The following ADAMTS17 variants were observed in gnomAD, a reference collection of about 807,000 sequenced individuals.
ADAMTS17 encodes the protein A disintegrin and metalloproteinase with thrombospondin motifs 17.
A neutral mutation model predicts 141.5 loss-of-function variants in ADAMTS17; 113 were observed. The observed-to-expected ratio is 0.80, with a 90% CI of 0.69 to 0.93. The LOEUF (loss-of-function observed/expected upper bound fraction) is 0.93, where lower values mean the gene tolerates loss of function less well. Among genes scored for constraint, ADAMTS17 ranks in the 40% least tolerant of loss-of-function variants. ADAMTS17 has a pLI of 0.00. For missense variants in ADAMTS17, 1,659 were observed against 1,517.9 expected, an observed-to-expected ratio of 1.09 and a Z score of -1.54; for synonymous variants, 768 against 630.6, an observed-to-expected ratio of 1.22 and a Z score of -3.27.
At chr15:99,999,520 C>G (rs147060470) in intron 18 of ADAMTS17, among the ~76,000 whole-genome samples, 1 of 147,720 alleles carries the variant, frequency 6.8e-6, no homozygotes, top group Admixed American at 6.7e-5. Context: ...GGCACGCTGG[C>G]GGGGTGGAGG....
Position 100,341,310 on chromosome 15 carries a change from C to G in ADAMTS17, c.179G>C (p.Arg60Pro). The G allele has an allele frequency of 1.9e-6, 2 of 1,054,436 alleles. No homozygotes were observed. The highest frequency in any genetic ancestry group is 2.3e-6 in the Non-Finnish European group (2 of 877,154). 65.3% of individuals were successfully genotyped at this position (1,054,436 alleles called of 1,614,324 possible). A position where few individuals can be genotyped will look rare whatever the true frequency, so the allele number is the denominator to read the frequency against. The change falls in exon 2 of 22, where the codon CGA becomes CCA. Residue 60 changes from arginine to proline, a missense_variant. Transcript: ENST00000268070. ...GGGCGTGCGGGGGCGTCGCCGCCGTCGGGGCCCGGGGGCTGCGGGCAGCGG... is the reference window on the plus strand; with the variant it reads ...GGGCGTGCGGGGGCGTCGCCGCCGTGGGGGCCCGGGGGCTGCGGGCAGCGG... ...LPPLPAAPGP[R>P]RRRRPRTPPA...
chr15:100,063,617 A>G (rs1471775029), intron 15 of ADAMTS17: 1 of 1,270,786 alleles, frequency 7.9e-7, no homozygotes, highest in East Asian at 5.6e-5. Context: ...CCAATTTACC[A>G]GACTGATCAT....
At chr15:100,079,124 G>A (rs1403869019) in intron 15 of ADAMTS17, among the ~76,000 whole-genome samples, 6 of 152,166 alleles carry the variant, frequency 3.9e-5, no homozygotes, top group Non-Finnish European at 7.3e-5. Flanking sequence ...AAGTGGTGCC[G>A]CCACTTTGGA....
chr15:100,130,313 G>C (rs984110720), intron 12 of ADAMTS17, among the ~76,000 whole-genome samples: 1 of 150,878 alleles, frequency 6.6e-6, no homozygotes, highest in African/African-American at 2.5e-5. Flanking sequence ...GCAGTGAGCC[G>C]AGACTGGGCC....
intron 7 of ADAMTS17, among the ~76,000 whole-genome samples, chr15:100,203,481 G>A (rs183498521): frequency 7.2e-5 from 11 of 152,306 alleles, no homozygotes; most frequent in East Asian, 5.8e-4. Context: ...CCGAGCAGGC[G>A]GATCATGAGG....
chr15:100,133,577 G>A (rs1209797638), intron 10 of ADAMTS17, among the ~76,000 whole-genome samples: 1 of 152,146 alleles, frequency 6.6e-6, no homozygotes, highest in African/African-American at 2.4e-5. Flanking sequence ...AACCACCGAG[G>A]GCCTAGGAGA....
chr15:100,019,016 C>T (rs534492518), intron 18 of ADAMTS17, among the ~76,000 whole-genome samples: 6 of 152,246 alleles, frequency 3.9e-5, no homozygotes, highest in Admixed American at 6.5e-5. Context: ...AACCAGAAAA[C>T]GACATTCACT....
intron 13 of ADAMTS17, among the ~76,000 whole-genome samples, chr15:100,109,909 T>G (rs910988192): frequency 1.3e-5 from 2 of 152,010 alleles, no homozygotes; most frequent in Admixed American, 6.6e-5. Flanking sequence ...GAGCAGCATC[T>G]CCACATGCAC....
chr15:100,299,311 C>T (rs2044940307), intron 3 of ADAMTS17, among the ~76,000 whole-genome samples: 2 of 151,772 alleles, frequency 1.3e-5, no homozygotes, highest in Admixed American at 1.3e-4. Flanking sequence ...TGTGTAACCG[C>T]CGTCAGGACA....
chr15:100,041,138 C>A (rs537478801), intron 18 of ADAMTS17, among the ~76,000 whole-genome samples: 91 of 152,256 alleles, frequency 6.0e-4, no homozygotes, highest in African/African-American at 2.1e-3. Context: ...CCATTTTAAC[C>A]CCAAATAAGG....
At chr15:100,252,109 C>T (rs1165257272) in intron 7 of ADAMTS17, among the ~76,000 whole-genome samples, 2 of 152,214 alleles carry the variant, frequency 1.3e-5, no homozygotes, top group African/African-American at 2.4e-5. Context: ...GCCTGCTCTT[C>T]ACCAGGGGCC....
intron 10 of ADAMTS17, among the ~76,000 whole-genome samples, chr15:100,135,546 G>T (rs1050374701): frequency 2.0e-5 from 3 of 152,146 alleles, no homozygotes; most frequent in African/African-American, 7.2e-5. Context: ...GTCTCCCAAA[G>T]TGCTGGGATT....
At chr15:100,307,817 C>G (rs1230809546) in intron 3 of ADAMTS17, among the ~76,000 whole-genome samples, 2 of 152,268 alleles carry the variant, frequency 1.3e-5, no homozygotes, top group Non-Finnish European at 2.9e-5. Context: ...CTGCTGGGAC[C>G]TGCCACCCAC....
intron 7 of ADAMTS17, among the ~76,000 whole-genome samples, chr15:100,222,842 TA>T (rs1377136994): frequency 1.3e-5 from 2 of 152,200 alleles, no homozygotes; most frequent in Non-Finnish European, 2.9e-5. Context: ...ACTCGAATGC[TA>T]CGGACCAGGC....
At chr15:100,116,557 G>A (rs1344197883) in intron 13 of ADAMTS17, among the ~76,000 whole-genome samples, 1 of 152,236 alleles carries the variant, frequency 6.6e-6, no homozygotes, top group African/African-American at 2.4e-5. Flanking sequence ...TCCACACATG[G>A]CGCCAGGGGC....
intron 15 of ADAMTS17, among the ~76,000 whole-genome samples, chr15:100,090,610 C>G (rs117695738): frequency 6.6e-6 from 1 of 152,166 alleles, no homozygotes; most frequent in Non-Finnish European, 1.5e-5. Context: ...TCAGGGCGGA[C>G]TCGGTACCCA....
intron 3 of ADAMTS17, among the ~76,000 whole-genome samples, chr15:100,324,764 A>G (rs1428874246): frequency 2.6e-5 from 4 of 152,214 alleles, no homozygotes; most frequent in Admixed American, 2.6e-4. Flanking sequence ...GGTCTCCTCA[A>G]TAGTCAAAAA....
chr15:100,182,982 A>ACTCTTT (rs2040578391), intron 8 of ADAMTS17, among the ~76,000 whole-genome samples: 2 of 151,568 alleles, frequency 1.3e-5, no homozygotes, highest in African/African-American at 4.8e-5. Context: ...TGCTTCTGGG[A>ACTCTTT]TTCTTTTTCT....
intron 8 of ADAMTS17, among the ~76,000 whole-genome samples, chr15:100,164,489 G>C (rs1250439957): frequency 6.6e-6 from 1 of 152,176 alleles, no homozygotes; most frequent in Non-Finnish European, 1.5e-5. Context: ...TTCTCTAAGG[G>C]AATAGGGGTC....
Sources: gnomAD v4.1 joint callset for allele counts (sites outside exome capture counted in the v4.1 genomes callset) on GRCh38, gnomAD v4.1.1 for gene constraint, MANE v1.5 for transcripts, NCBI Gene and HGNC (gene_info 2026-07-23, HGNC 2026-07-21) for gene names.